Variants in SOS1 observed in about 807,000 individuals in gnomAD.
SOS1 encodes SOS Ras/Rac guanine nucleotide exchange factor 1, also known as son of sevenless homolog 1.
Under a neutral mutation model 157.6 loss-of-function variants are expected in SOS1, and 25 were observed. The ratio of observed to expected loss-of-function variants is 0.16; its 90% confidence interval spans 0.12 to 0.22. SOS1 has a LOEUF of 0.22. Ranked by LOEUF, SOS1 falls within the 10% of genes least tolerant of loss-of-function variation. SOS1 has a pLI of 1.00. For missense variants in SOS1, 1,237 were observed against 1,599.1 expected, an observed-to-expected ratio of 0.77 and a Z score of 3.86; for synonymous variants, 528 against 534.0, an observed-to-expected ratio of 0.99 and a Z score of 0.16.
At chr2:39,091,951 T>C (rs1672613171) in intron 1 of SOS1, among the ~76,000 whole-genome samples, 1 of 152,334 alleles carries the variant, frequency 6.6e-6, no homozygotes, top group Non-Finnish European at 1.5e-5. Flanking sequence ...TACTAGTTCA[T>C]ACTGCCATCA....
At position 39,054,756 on chromosome 2, in the gene SOS1, G is replaced by A. The variant is rs1174182802; in HGVS notation, c.578C>T (p.Pro193Leu). The A allele has an allele frequency of 6.3e-7, 1 of 1,592,346 alleles. No homozygotes were observed. Among genetic ancestry groups the A allele is most frequent in the East Asian group, 2.2e-5 (1 of 44,698 alleles). The change falls in exon 5 of 23, where the codon CCT becomes CTT. Residue 193 changes from proline to leucine, a missense_variant. Pro to Leu is a moderately conservative substitution (Grantham distance 98, BLOSUM62 -3). Transcript: ENST00000402219. Reference sequence around the variant, plus strand: ...GTAAGTTTGTTCTCCTGAGGTGGAAGGCTCTTCGTCAGTTAAAGATAATAT... The same window carrying A: ...GTAAGTTTGTTCTCCTGAGGTGGAAAGCTCTTCGTCAGTTAAAGATAATAT... ...INILSLTDEE[P>L]STSGEQTYYD...
intron 6 of SOS1, among the ~76,000 whole-genome samples, chr2:39,038,235 A>T (rs1183903369): frequency 6.6e-6 from 1 of 152,200 alleles, no homozygotes; most frequent in Non-Finnish European, 1.5e-5. Flanking sequence ...AAATATCCAC[A>T]TTAACAGGAG....
intron 1 of SOS1, among the ~76,000 whole-genome samples, chr2:39,094,942 A>C (rs969575229): frequency 3.9e-5 from 6 of 152,162 alleles, no homozygotes; most frequent in African/African-American, 1.4e-4. Flanking sequence ...TTTTAGATGG[A>C]GAGAAGCTCC....
rs1379447274 is a variant in SOS1, at chr2:38,982,806, T to C, written c.*3018A>G. On this transcript the variant is annotated 3_prime_UTR_variant, in exon 23 of 23. Transcript: ENST00000402219. ...CATGACCATAAATACCAACTAATTT[T>C]TGGTTTACATAAGGTAATTTTTGAT... 1 of 152,134 alleles carries C rather than the reference T, an allele frequency of 6.6e-6. No individual in the cohort carries two copies. Among genetic ancestry groups the C allele is most frequent in the African/African-American group, 2.4e-5 (1 of 41,432 alleles). The allele number at this position is 152,134 out of a possible 1,614,324, so 9.4% of individuals were successfully genotyped here. A position where few individuals can be genotyped will look rare whatever the true frequency, so the allele number is the denominator to read the frequency against.
chr2:39,101,899 T>C (rs915154955), intron 1 of SOS1, among the ~76,000 whole-genome samples: 7 of 152,020 alleles, frequency 4.6e-5, no homozygotes, highest in Admixed American at 6.6e-5. Context: ...ATTTTGATTC[T>C]TTTTTTAATT....
intron 1 of SOS1, among the ~76,000 whole-genome samples, chr2:39,109,183 A>C (rs1378707108): frequency 1.3e-5 from 2 of 152,202 alleles, no homozygotes; most frequent in Non-Finnish European, 2.9e-5. Flanking sequence ...TGGATGACAG[A>C]GCGAGAACTT....
chr2:39,007,331 GGGT>G (rs1425206311), intron 15 of SOS1, 138 bp from the exon 16 acceptor site: 4 of 645,992 alleles, frequency 6.2e-6, no homozygotes, highest in Non-Finnish European at 1.1e-5. Context: ...GACACATTCA[GGGT>G]GACTGATAGA....
intron 1 of SOS1, among the ~76,000 whole-genome samples, chr2:39,067,981 T>C (rs1671647186): frequency 6.6e-6 from 1 of 152,132 alleles, no homozygotes; most frequent in South Asian, 2.1e-4. Flanking sequence ...TAGCCGGGCC[T>C]TGTGGTGTGC....
Position 39,081,994 on chromosome 2 carries a change from T to C in SOS1, c.88-14241A>G, listed in dbSNP as rs116722020. Among the ~76,000 whole-genome samples, 796 of 152,338 alleles carry C rather than the reference T, an allele frequency of 5.2e-3. 11 individuals are homozygous for C. The highest frequency in any genetic ancestry group is 0.018 in the African/African-American group (747 of 41,568). On this transcript the variant is annotated intron_variant, in intron 1 of 22. Coordinates refer to ENST00000402219, the MANE Select transcript of SOS1 (RefSeq NM_005633.4). ...CTTGATACAGATATGTAATGCATAA[T>C]AGTTATGTCATGGTAAATGGGGTAT...
chr2:38,991,411 G>A (rs2278914), intron 20 of SOS1, among the ~76,000 whole-genome samples: 143,302 of 152,234 alleles, frequency 0.94, 67,554 homozygotes, highest in African/African-American at 0.97. Context: ...GGATGGAAAT[G>A]GAGAAGTCAG....
intron 1 of SOS1, among the ~76,000 whole-genome samples, chr2:39,099,890 A>T (rs1417583766): frequency 2.0e-5 from 3 of 151,702 alleles, no homozygotes; most frequent in Non-Finnish European, 2.9e-5. Context: ...GGGCCCTGCT[A>T]ATTTTTAGTA....
intron 21 of SOS1, 148 bp from the exon 22 acceptor site, chr2:38,987,739 T>G: frequency 1.6e-6 from 1 of 622,864 alleles, no homozygotes; most frequent in East Asian, 2.8e-5. Flanking sequence ...CCGAATAGTA[T>G]TTCATTAAAG....
At chr2:39,107,829 T>TAG (rs1673258726) in intron 1 of SOS1, among the ~76,000 whole-genome samples, 1 of 152,170 alleles carries the variant, frequency 6.6e-6, no homozygotes, top group Non-Finnish European at 1.5e-5. Flanking sequence ...GGAGTTGTAG[T>TAG]AGAAAGGCTT....
chr2:39,006,734 G>C (rs1281079946), intron 16 of SOS1, among the ~76,000 whole-genome samples: 1 of 152,152 alleles, frequency 6.6e-6, no homozygotes, highest in Non-Finnish European at 1.5e-5. Context: ...GAGAGATCTA[G>C]TTTATCATGT....
intron 17 of SOS1, among the ~76,000 whole-genome samples, chr2:38,998,484 CAG>C (rs1668976245): frequency 6.6e-6 from 1 of 152,136 alleles, no homozygotes; most frequent in South Asian, 2.1e-4. Flanking sequence ...CTCCTGACCT[CAG>C]GTGATCCACC....
At chr2:39,120,187 G>T (rs1214943491) in intron 1 of SOS1, 149 bp downstream of exon 1, 3 of 618,964 alleles carry the variant, frequency 4.8e-6, no homozygotes, top group East Asian at 7.0e-5. Context: ...AGCCGTATGA[G>T]GGGGGCCTCT....
At chr2:39,108,736 T>A (rs1427239831) in intron 1 of SOS1, among the ~76,000 whole-genome samples, 3 of 151,784 alleles carry the variant, frequency 2.0e-5, no homozygotes, top group African/African-American at 7.3e-5. Flanking sequence ...AAAAAAAATT[T>A]TTAAAAATTA....
chr2:39,056,620 T>G, intron 4 of SOS1, 82 bp downstream of exon 4: 1 of 889,108 alleles, frequency 1.1e-6, no homozygotes, highest in Non-Finnish European at 1.9e-6. Flanking sequence ...AATACAATTT[T>G]ATTCTATATG....
At chr2:38,986,431 C>A in intron 22 of SOS1, 116 bp from the exon 23 acceptor site, 1 of 1,012,222 alleles carries the variant, frequency 9.9e-7, no homozygotes, top group Non-Finnish European at 1.4e-6. Flanking sequence ...AAGTGTGGAA[C>A]AGGGAGTTTT....
Sources: allele counts gnomAD v4.1 joint callset (sites outside exome capture counted in the v4.1 genomes callset), GRCh38; gene constraint gnomAD v4.1.1; transcripts MANE v1.5; gene names NCBI Gene and HGNC (gene_info 2026-07-23, HGNC 2026-07-21).